The following DIAPH2 variants were observed in gnomAD, a reference collection of about 807,000 sequenced individuals.
DIAPH2 encodes the protein protein diaphanous homolog 2.
DIAPH2 carries 35 observed loss-of-function variants against 92.7 expected under a neutral mutation model. The observed-to-expected ratio is 0.38, with a 90% CI of 0.29 to 0.50. The LOEUF is 0.50. Among genes scored for constraint, DIAPH2 ranks in the 20% least tolerant of loss-of-function variants. DIAPH2 has a pLI of 0.94. For missense variants in DIAPH2, 701 were observed against 819.5 expected (o/e 0.86, Z 1.77); for synonymous variants, 301 against 280.4 (o/e 1.07, Z -0.73).
At chrX:97,093,335 G>T (rs1030017647) in intron 19 of DIAPH2, among the ~76,000 whole-genome samples, 1 of 111,528 alleles carries the variant, frequency 9.0e-6, no homozygotes, top group Non-Finnish European at 1.9e-5. Flanking sequence ...CAAACAGAAA[G>T]ACAAGTTCTC....
chrX:97,281,698 C>T (rs552782306), intron 23 of DIAPH2, among the ~76,000 whole-genome samples: 3 of 107,465 alleles, frequency 2.8e-5, no homozygotes, highest in Non-Finnish European at 3.8e-5. Context: ...GAGCCAAGAC[C>T]GCACCACTGC....
At chrX:96,903,830 A>G (rs1426027244) in intron 5 of DIAPH2, among the ~76,000 whole-genome samples, 1 of 112,340 alleles carries the variant, frequency 8.9e-6, no homozygotes, top group African/African-American at 3.2e-5. Flanking sequence ...GGCATAAGCC[A>G]TTTCTTAGAC....
At chrX:97,554,794 C>T (rs1191159207) in intron 26 of DIAPH2, among the ~76,000 whole-genome samples, 1 of 111,931 alleles carries the variant, frequency 8.9e-6, no homozygotes, top group Admixed American at 9.5e-5. Context: ...TAAGCTTATT[C>T]ATATTTGTTA....
chrX:96,782,619 A>G (rs150885591), intron 4 of DIAPH2, among the ~76,000 whole-genome samples: 11,177 of 110,793 alleles, frequency 0.1, 551 homozygotes, highest in Non-Finnish European at 0.15. Flanking sequence ...TGTTTTGTAG[A>G]GATGGGGTTT....
rs985040611 is a variant in DIAPH2, at chrX:97,397,659, CT to C, written c.3145+13616del. ...AATCATAGTGTCTTGTTTTGTTTGT[CT>C]CTTTAGTCCCATATTTTTATAATGT... On this transcript the variant is annotated intron_variant, in intron 25 of 26. Transcript: ENST00000324765. Among the ~76,000 whole-genome samples, 4 of 111,634 alleles carry C rather than the reference CT, an allele frequency of 3.6e-5. No homozygotes were observed. In the Admixed American group the frequency reaches 3.8e-4, roughly 11 times the overall value.
At chrX:97,532,983 C>G (rs2071070650) in intron 26 of DIAPH2, among the ~76,000 whole-genome samples, 2 of 109,689 alleles carry the variant, frequency 1.8e-5, no homozygotes, top group South Asian at 7.8e-4. Context: ...GTTCCCAAAA[C>G]TCATCTTTAT....
intron 17 of DIAPH2, among the ~76,000 whole-genome samples, chrX:97,019,592 A>G (rs891645796): frequency 6.4e-4 from 71 of 110,798 alleles, no homozygotes; most frequent in African/African-American, 2.2e-3. Flanking sequence ...ATGTTTCCAT[A>G]TATATATTCT....
intron 23 of DIAPH2, among the ~76,000 whole-genome samples, chrX:97,324,398 G>A (rs181406423): frequency 3.6e-5 from 4 of 112,407 alleles, no homozygotes; most frequent in East Asian, 5.6e-4. Flanking sequence ...GGAAAGCATC[G>A]TAAGATCAGG....
intron 26 of DIAPH2, among the ~76,000 whole-genome samples, chrX:97,592,520 G>A (rs2071524455): frequency 1.8e-5 from 2 of 112,008 alleles, no homozygotes; most frequent in African/African-American, 6.5e-5. Context: ...CGAATGCTGA[G>A]CATTAAGAAA....
At chrX:97,564,562 G>T (rs955307317) in intron 26 of DIAPH2, 2 of 111,766 alleles carry the variant, frequency 1.8e-5, no homozygotes, top group Non-Finnish European at 3.8e-5. Flanking sequence ...GGCCTCTTTT[G>T]TAAGGGCATT....
intron 4 of DIAPH2, among the ~76,000 whole-genome samples, chrX:96,806,176 A>G (rs1186862144): frequency 8.9e-6 from 1 of 111,813 alleles, no homozygotes; most frequent in African/African-American, 3.3e-5. Flanking sequence ...GAAACCTAAT[A>G]GTCGTGTCAC....
chrX:96,843,250 A>AT (rs890567293), intron 4 of DIAPH2, among the ~76,000 whole-genome samples: 4 of 111,548 alleles, frequency 3.6e-5, no homozygotes, highest in African/African-American at 1.3e-4. Context: ...TTCCACCATG[A>AT]TTGTAAGCTT....
chrX:97,544,514 GCTGCAT>G (rs1394390149), intron 26 of DIAPH2, among the ~76,000 whole-genome samples: 1 of 111,883 alleles, frequency 8.9e-6, no homozygotes, highest in Non-Finnish European at 1.9e-5. Context: ...ACACAGTGTT[GCTGCAT>G]CTCCATTTTT....
At chrX:97,151,607 A>G (rs947339895) in intron 22 of DIAPH2, among the ~76,000 whole-genome samples, 6 of 110,720 alleles carry the variant, frequency 5.4e-5, no homozygotes, top group Admixed American at 9.7e-5. Flanking sequence ...ATGGTAATCT[A>G]TATCATACTT....
At chrX:97,171,939 C>CA (rs748501203) in intron 22 of DIAPH2, among the ~76,000 whole-genome samples, 4,420 of 88,559 alleles carry the variant, frequency 0.05, 227 homozygotes, top group African/African-American at 0.15. Context: ...GACTCCGTCT[C>CA]AAAAAAAAAA....
chrX:97,091,520 C>G (rs1240824266), intron 19 of DIAPH2, among the ~76,000 whole-genome samples: 1 of 111,447 alleles, frequency 9.0e-6, no homozygotes, highest in African/African-American at 3.3e-5. Flanking sequence ...AAGCAGTCCC[C>G]TATCTCAGAC....
At chrX:97,234,588 C>T (rs1369586526) in intron 22 of DIAPH2, among the ~76,000 whole-genome samples, 1 of 111,822 alleles carries the variant, frequency 8.9e-6, no homozygotes, top group African/African-American at 3.2e-5. Flanking sequence ...TCAGGACTGC[C>T]TTTATAGTCC....
intron 17 of DIAPH2, among the ~76,000 whole-genome samples, chrX:96,972,644 G>C (rs778574022): frequency 6.3e-5 from 7 of 110,976 alleles, no homozygotes; most frequent in Non-Finnish European, 9.4e-5. Context: ...AAATGTTAGA[G>C]TAGATACTTT....
intron 20 of DIAPH2, among the ~76,000 whole-genome samples, chrX:97,104,094 A>T (rs1024965207): frequency 9.0e-6 from 1 of 111,604 alleles, no homozygotes; most frequent in African/African-American, 3.3e-5. Flanking sequence ...TCTAGAAATC[A>T]TCCTGGATTT....
Sources: gnomAD v4.1 joint callset for allele counts (sites outside exome capture counted in the v4.1 genomes callset) on GRCh38, gnomAD v4.1.1 for gene constraint, MANE v1.5 for transcripts, NCBI Gene and HGNC (gene_info 2026-07-23, HGNC 2026-07-21) for gene names.